The following MXI1 variants were observed in gnomAD, a reference collection of about 807,000 sequenced individuals.
MXI1 encodes MAX interactor 1, dimerization protein, also known as max-interacting protein 1.
Under a neutral mutation model 36.9 loss-of-function variants are expected in MXI1, and 18 were observed. That is an observed-to-expected ratio of 0.49 (90% CI 0.34 to 0.72). The LOEUF (loss-of-function observed/expected upper bound fraction) is 0.72, where lower values mean the gene tolerates loss of function less well. Ranked by LOEUF, MXI1 falls within the 30% of genes least tolerant of loss-of-function variation. The pLI is 0.01. For missense variants in MXI1, 304 were observed against 379.1 expected, an observed-to-expected ratio of 0.80 and a Z score of 1.64; for synonymous variants, 160 against 146.7, an observed-to-expected ratio of 1.09 and a Z score of -0.65.
At chr10:110,269,777 A>G (rs941893217) in intron 3 of MXI1, among the ~76,000 whole-genome samples, 9 of 152,256 alleles carry the variant, frequency 5.9e-5, no homozygotes, top group Middle Eastern at 3.4e-3. Flanking sequence ...CTGTGTTTCA[A>G]ATAGAAAGTT....
intron 3 of MXI1, among the ~76,000 whole-genome samples, chr10:110,273,249 G>A (rs912493900): frequency 1.6e-4 from 25 of 151,622 alleles, no homozygotes; most frequent in Non-Finnish European, 2.4e-4. Flanking sequence ...GGGTTTCACC[G>A]TGTTAGCCAC....
intron 2 of MXI1, among the ~76,000 whole-genome samples, chr10:110,240,102 GTAGT>G (rs1242049925): frequency 2.6e-5 from 4 of 151,774 alleles, no homozygotes; most frequent in Non-Finnish European, 4.4e-5. Flanking sequence ...CACAATAGTT[GTAGT>G]TAGTTTATTC....
At chr10:110,209,794 C>T (rs1854462234) in intron 1 of MXI1, among the ~76,000 whole-genome samples, 1 of 152,074 alleles carries the variant, frequency 6.6e-6, no homozygotes, top group Non-Finnish European at 1.5e-5. Flanking sequence ...GGGAGGGGCG[C>T]GATTTCTTCA....
intron 3 of MXI1, among the ~76,000 whole-genome samples, chr10:110,268,948 C>T (rs1856770715): frequency 6.6e-6 from 1 of 152,150 alleles, no homozygotes; most frequent in South Asian, 2.1e-4. Context: ...TTAACAACAA[C>T]AACAACACAT....
intron 1 of MXI1, among the ~76,000 whole-genome samples, chr10:110,215,051 T>TTTTG (rs1854603449): frequency 8.0e-6 from 1 of 125,086 alleles, no homozygotes; most frequent in African/African-American, 3.5e-5. Flanking sequence ...TTGTTTTTTT[T>TTTTG]TTTTTTTTGA....
At chr10:110,238,254 C>T (rs1368356729) in intron 2 of MXI1, among the ~76,000 whole-genome samples, 4 of 152,158 alleles carry the variant, frequency 2.6e-5, no homozygotes, top group African/African-American at 9.7e-5. Flanking sequence ...ACTCAAAGCC[C>T]CAACCCTCTA....
chr10:110,268,493 G>T (rs926928503), intron 3 of MXI1, among the ~76,000 whole-genome samples: 1 of 152,148 alleles, frequency 6.6e-6, no homozygotes, highest in African/African-American at 2.4e-5. Flanking sequence ...TGATAAAGAG[G>T]AGATAATTGT....
chr10:110,225,931 C>G, intron 1 of MXI1: 37 of 826,210 alleles, frequency 4.5e-5, no homozygotes, highest in South Asian at 5.5e-5. Context: ...GGGGCAGAGG[C>G]AGGGGCGGGA....
intron 3 of MXI1, among the ~76,000 whole-genome samples, chr10:110,268,417 T>C (rs962547692): frequency 2.0e-5 from 3 of 152,162 alleles, no homozygotes; most frequent in African/African-American, 7.2e-5. Flanking sequence ...TAGACAAATA[T>C]AAATAGAAGC....
In MXI1 at chr10:110,216,482, G is replaced by T. The variant is rs1854638095; in HGVS notation, c.274+8400G>T. ...AGTTCCTGTCTTCATGGAGTGTACTGTTCCACTGCCAGGTTTTAGAACTTC... is the reference window on the plus strand; with the variant it reads ...AGTTCCTGTCTTCATGGAGTGTACTTTTCCACTGCCAGGTTTTAGAACTTC... On this transcript the variant is annotated intron_variant, in intron 1 of 5. Coordinates refer to ENST00000332674, the MANE Select transcript of MXI1 (RefSeq NM_130439.3). Among the ~76,000 whole-genome samples the T allele has an allele frequency of 2.6e-5, 4 of 152,130 alleles. No homozygotes were observed. The South Asian group carries it at 8.3e-4, about 32-fold the overall frequency.
At chr10:110,232,512 A>G (rs1855311281) in intron 2 of MXI1, among the ~76,000 whole-genome samples, 1 of 152,172 alleles carries the variant, frequency 6.6e-6, no homozygotes, top group African/African-American at 2.4e-5. Context: ...TGTTCATCAC[A>G]TTTGTAGAAA....
At chr10:110,222,394 C>T (rs1854838877) in intron 1 of MXI1, among the ~76,000 whole-genome samples, 1 of 152,198 alleles carries the variant, frequency 6.6e-6, no homozygotes, top group South Asian at 2.1e-4. Flanking sequence ...CTCTCCCCAT[C>T]TCGCCTCCCT....
chr10:110,283,494 G>A (rs762815868), intron 5 of MXI1, among the ~76,000 whole-genome samples: 10 of 151,592 alleles, frequency 6.6e-5, no homozygotes, highest in Non-Finnish European at 1.2e-4. Context: ...TTGAACTCCT[G>A]ACCTCGTGAT....
chr10:110,255,890 A>G (rs1856271295), intron 3 of MXI1, among the ~76,000 whole-genome samples: 8 of 152,202 alleles, frequency 5.3e-5, no homozygotes, highest in Admixed American at 5.2e-4. Context: ...ATAAAGTTGG[A>G]GAGCTTGCAT....
At chr10:110,242,891 C>A (rs763181320) in intron 2 of MXI1, among the ~76,000 whole-genome samples, 8 of 151,872 alleles carry the variant, frequency 5.3e-5, no homozygotes, top group Non-Finnish European at 1.2e-4. Context: ...ACAATGTTTC[C>A]ATTTATTACT....
At chr10:110,249,415 C>T (rs1388797079) in intron 3 of MXI1, among the ~76,000 whole-genome samples, 3 of 151,696 alleles carry the variant, frequency 2.0e-5, no homozygotes, top group Non-Finnish European at 2.9e-5. Flanking sequence ...GATTACAGTA[C>T]ATTAAATACA....
intron 1 of MXI1, among the ~76,000 whole-genome samples, chr10:110,212,272 C>T (rs749737953): frequency 7.9e-5 from 12 of 152,174 alleles, no homozygotes; most frequent in Non-Finnish European, 1.6e-4. Context: ...ACAGCCTGTT[C>T]CTCCTGGTAG....
At chr10:110,277,162 C>A (rs1857064268) in intron 3 of MXI1, among the ~76,000 whole-genome samples, 1 of 152,060 alleles carries the variant, frequency 6.6e-6, no homozygotes, top group Non-Finnish European at 1.5e-5. Context: ...TTCTTAAAAA[C>A]TAAAAAATAA....
chr10:110,257,475 TTTTC>T (rs1264117780), intron 3 of MXI1: 3 of 151,944 alleles, frequency 2.0e-5, no homozygotes, highest in Non-Finnish European at 2.9e-5. Flanking sequence ...CACCTGGCAA[TTTTC>T]TTTCTATTTT....
Sources: allele counts gnomAD v4.1 joint callset (sites outside exome capture counted in the v4.1 genomes callset), GRCh38; gene constraint gnomAD v4.1.1; transcripts MANE v1.5; gene names NCBI Gene and HGNC (gene_info 2026-07-23, HGNC 2026-07-21).